FOXP1: variants seen among roughly 807,000 people sequenced by gnomAD.
The protein encoded by FOXP1 is forkhead box P1.
FOXP1 carries 15 observed loss-of-function variants against 98.2 expected under a neutral mutation model. The observed-to-expected ratio is 0.15, with a 90% CI of 0.10 to 0.24. FOXP1 has a LOEUF of 0.24. Ranked by LOEUF, FOXP1 falls within the 10% of genes least tolerant of loss-of-function variation. The pLI, the probability that FOXP1 is intolerant of heterozygous loss-of-function variation, is 1.00. For synonymous variants in FOXP1, 371 were observed against 314.5 expected, an observed-to-expected ratio of 1.18 and a Z score of -1.90; for missense variants, 633 against 848.5, an observed-to-expected ratio of 0.75 and a Z score of 3.15.
chr3:71,526,221 C>A (rs1195766668), intron 2 of FOXP1, among the ~76,000 whole-genome samples: 2 of 152,190 alleles, frequency 1.3e-5, no homozygotes, highest in Non-Finnish European at 2.9e-5. Context: ...ATTATGGCCA[C>A]ACTGATACAT....
At chr3:71,468,987 C>T (rs941537466) in intron 3 of FOXP1, among the ~76,000 whole-genome samples, 1 of 152,098 alleles carries the variant, frequency 6.6e-6, no homozygotes, top group Non-Finnish European at 1.5e-5. Context: ...TGAGGCCTGT[C>T]GAATACTTCC....
intron 2 of FOXP1, among the ~76,000 whole-genome samples, chr3:71,575,880 G>A (rs528940130): frequency 7.2e-4 from 110 of 152,290 alleles, no homozygotes; most frequent in African/African-American, 2.6e-3. Flanking sequence ...AGGACACCTC[G>A]GAAATTCAGT....
chr3:71,000,866 G>A, intron 13 of FOXP1, 106 bp downstream of exon 13: 1 of 651,290 alleles, frequency 1.5e-6, no homozygotes, highest in Non-Finnish European at 2.8e-6. Flanking sequence ...ACAGGTTTTG[G>A]ACCTTCCATT....
intron 11 of FOXP1, among the ~76,000 whole-genome samples, chr3:71,031,620 T>G (rs973243288): frequency 2.6e-5 from 4 of 152,226 alleles, no homozygotes; most frequent in Admixed American, 1.3e-4. Context: ...CGGATAATGA[T>G]TTTCTTTTTT....
chr3:71,214,131 G>A (rs1273064771), intron 5 of FOXP1, among the ~76,000 whole-genome samples: 2 of 152,242 alleles, frequency 1.3e-5, no homozygotes, highest in Non-Finnish European at 2.9e-5. Context: ...CTTGGTGAGA[G>A]GCAAGTCCAG....
chr3:71,069,225 A>G (rs1228964199), intron 7 of FOXP1, among the ~76,000 whole-genome samples: 1 of 152,246 alleles, frequency 6.6e-6, no homozygotes, highest in Non-Finnish European at 1.5e-5. Context: ...ATGTAATGCA[A>G]CATTTTATAA....
chr3:71,300,154 G>C (rs751667993), intron 4 of FOXP1, among the ~76,000 whole-genome samples: 5 of 152,066 alleles, frequency 3.3e-5, no homozygotes, highest in Non-Finnish European at 7.4e-5. Context: ...GTTGTCTATC[G>C]ATTTATTTTC....
At position 71,198,225 on chromosome 3, in the gene FOXP1, G is replaced by A. The variant is rs1337277436; in HGVS notation, c.157C>T (p.His53Tyr). 6.2e-7 allele frequency: 1 copy of A among 1,613,976 alleles called. No homozygotes were observed. The highest frequency in any genetic ancestry group is 1.3e-5 in the African/African-American group (1 of 74,940). ...ACCTGTTGCTGCTGCTGCTGGGCGT[G>A]GGCGAGGTCAGCTGCCCCGATGTCC... Reference protein sequence around the residue: ...AVDIGAADLAHAQQQQQQALQ... With the variant: ...AVDIGAADLAYAQQQQQQALQ... Residue 53 changes from histidine (H) to tyrosine (Y), a missense_variant, in exon 6 of 21, where the codon CAC becomes TAC. This residue lies in a region of FOXP1 where 103 missense variants were observed against 85.5 expected (regional missense o/e 1.20). Transcript: ENST00000649528.
chr3:71,006,654 A>C (rs2042843831), intron 12 of FOXP1, among the ~76,000 whole-genome samples: 1 of 152,128 alleles, frequency 6.6e-6, no homozygotes, highest in Non-Finnish European at 1.5e-5. Context: ...TCTTTTAAGT[A>C]ATGCCTTCTA....
chr3:71,213,334 C>T (rs1286687326), intron 5 of FOXP1, among the ~76,000 whole-genome samples: 1 of 152,182 alleles, frequency 6.6e-6, no homozygotes, highest in African/African-American at 2.4e-5. Context: ...TTACATTCAG[C>T]AGAATTTTAA....
At chr3:71,271,152 C>T (rs1259431576) in intron 5 of FOXP1, among the ~76,000 whole-genome samples, 1 of 152,300 alleles carries the variant, frequency 6.6e-6, no homozygotes, top group East Asian at 1.9e-4. Context: ...ACTGCTTGAA[C>T]CTGGGAGGTG....
At chr3:71,292,695 C>T (rs537934679) in intron 5 of FOXP1, 1 of 152,264 alleles carries the variant, frequency 6.6e-6, no homozygotes, top group South Asian at 2.1e-4. Flanking sequence ...ATCTAATTAC[C>T]TTTAATTACA....
chr3:71,523,411 A>G (rs903584937), intron 2 of FOXP1, among the ~76,000 whole-genome samples: 1 of 152,210 alleles, frequency 6.6e-6, no homozygotes, highest in Non-Finnish European at 1.5e-5. Flanking sequence ...AAGTTGTAAT[A>G]AACAGTAACC....
intron 6 of FOXP1, among the ~76,000 whole-genome samples, chr3:71,165,400 G>A (rs2061353310): frequency 6.6e-6 from 1 of 152,104 alleles, no homozygotes. Context: ...TCTGCCAAAA[G>A]GCATTTTTAA....
At position 70,959,205 on chromosome 3, in the gene FOXP1, C is replaced by CTT; in HGVS notation, c.*40_*41dup. 1.9e-6 allele frequency: 3 copies of CTT among 1,562,346 alleles called. No individual in the cohort carries two copies. The highest frequency in any genetic ancestry group is 1.4e-5 in the African/African-American group (1 of 70,030). On this transcript the variant is annotated 3_prime_UTR_variant, in exon 21 of 21. Transcript: ENST00000649528. ...CTTTTGACGTGTTTTTTTTTTTTTCCTTTTTCCAATCTTCATTCTCGGGGT... is the reference window on the plus strand; with the variant it reads ...CTTTTGACGTGTTTTTTTTTTTTTCCTTTTTTTCCAATCTTCATTCTCGGGGT...
At chr3:71,526,859 T>C (rs1012610281) in intron 2 of FOXP1, among the ~76,000 whole-genome samples, 3 of 150,080 alleles carry the variant, frequency 2.0e-5, no homozygotes, top group Non-Finnish European at 4.4e-5. Context: ...CCCAGCTACT[T>C]GGGAGGCTGG....
intron 14 of FOXP1, among the ~76,000 whole-genome samples, chr3:70,985,340 C>T (rs559036141): frequency 2.0e-5 from 3 of 151,966 alleles, no homozygotes; most frequent in Non-Finnish European, 4.4e-5. Context: ...GCTCTGGGCC[C>T]TTAAAGTTGA....
At chr3:71,243,757 T>C (rs2067486822) in intron 5 of FOXP1, among the ~76,000 whole-genome samples, 1 of 152,236 alleles carries the variant, frequency 6.6e-6, no homozygotes, top group Non-Finnish European at 1.5e-5. Context: ...TTTTCAATTA[T>C]GAAGCTGCAC....
At chr3:71,093,020 G>A (rs2056054096) in intron 7 of FOXP1, among the ~76,000 whole-genome samples, 1 of 152,154 alleles carries the variant, frequency 6.6e-6, no homozygotes, top group South Asian at 2.1e-4. Context: ...CAGCCCTTTG[G>A]GAGGCCAAGG....
Sources: gnomAD v4.1 joint callset for allele counts (sites outside exome capture counted in the v4.1 genomes callset) on GRCh38, gnomAD v4.1.1 for gene constraint, gnomAD v4.1.1 regional missense constraint, MANE v1.5 for transcripts, NCBI Gene and HGNC (gene_info 2026-07-23, HGNC 2026-07-21) for gene names.